Variants in MYO9A observed in about 807,000 individuals in gnomAD.
The protein encoded by MYO9A is myosin IXA, also known as unconventional myosin-IXa.
Under a neutral mutation model 293.3 loss-of-function variants are expected in MYO9A, and 103 were observed. The ratio of observed to expected loss-of-function variants is 0.35; its 90% confidence interval spans 0.30 to 0.41. MYO9A has a LOEUF of 0.41. Ranked by LOEUF, MYO9A falls within the 10% of genes least tolerant of loss-of-function variation. The pLI, the probability that MYO9A is intolerant of heterozygous loss-of-function variation, is 1.00. For missense variants in MYO9A, 2,685 were observed against 3,033.0 expected, an observed-to-expected ratio of 0.89 and a Z score of 2.69; for synonymous variants, 1,001 against 1,035.7, an observed-to-expected ratio of 0.97 and a Z score of 0.64.
intron 15 of MYO9A, among the ~76,000 whole-genome samples, chr15:71,948,982 A>AT (rs1026726630): frequency 3.3e-5 from 5 of 150,926 alleles, no homozygotes; most frequent in Non-Finnish European, 7.4e-5. Context: ...ATTAAACATG[A>AT]TTTTTTGACA....
At chr15:71,981,958 T>C (rs1339398414) in intron 11 of MYO9A, among the ~76,000 whole-genome samples, 2 of 151,458 alleles carry the variant, frequency 1.3e-5, no homozygotes, top group Non-Finnish European at 2.9e-5. Flanking sequence ...TAACGTGTCA[T>C]TAGGTACAAT....
chr15:71,858,639 G>A (rs2055968822), intron 34 of MYO9A: 1 of 147,528 alleles, frequency 6.8e-6, no homozygotes, highest in Non-Finnish European at 1.5e-5. Context: ...GGTCAGGCCT[G>A]GTTAGTACTT....
intron 19 of MYO9A, among the ~76,000 whole-genome samples, chr15:71,915,164 T>C (rs955855834): frequency 3.3e-5 from 5 of 152,128 alleles, no homozygotes; most frequent in Non-Finnish European, 7.4e-5. Flanking sequence ...ATGATTTTTT[T>C]TTCTATAACC....
chr15:71,990,553 A>G (rs2076515346), intron 11 of MYO9A, among the ~76,000 whole-genome samples: 1 of 152,128 alleles, frequency 6.6e-6, no homozygotes, highest in South Asian at 2.1e-4. Flanking sequence ...CAGGAGATCG[A>G]GACCATCCTG....
At chr15:72,056,886 G>T (rs1313988971) in intron 1 of MYO9A, among the ~76,000 whole-genome samples, 1 of 152,110 alleles carries the variant, frequency 6.6e-6, no homozygotes, top group Non-Finnish European at 1.5e-5. Context: ...GAGGCGGGCG[G>T]ATCACCTGAG....
At chr15:71,956,330 A>AAAAAAAAAAAATATATATATATAT (rs10642655) in intron 14 of MYO9A, among the ~76,000 whole-genome samples, 6 of 75,578 alleles carry the variant, frequency 7.9e-5, no homozygotes, top group Non-Finnish European at 1.4e-4. Flanking sequence ...AAAAAAAAAA[A>AAAAAAAAAAAATATATATATATAT]ATATATATAT....
intron 9 of MYO9A, among the ~76,000 whole-genome samples, chr15:71,995,450 T>C (rs1448606603): frequency 1.3e-5 from 2 of 152,110 alleles, no homozygotes; most frequent in African/African-American, 2.4e-5. Context: ...TTCCTCACTC[T>C]AAGCTTTCCA....
rs764060322 is a variant in MYO9A, at chr15:71,848,870, C to T, written c.6812G>A (p.Arg2271Lys). The change falls in exon 39 of 42, where the codon AGG becomes AAG. Residue 2271 changes from arginine to lysine, a missense_variant. By Grantham distance (26) the Arg-to-Lys change is conservative. Coordinates refer to ENST00000356056, the MANE Select transcript of MYO9A (RefSeq NM_006901.4). ...LEFAENKAKT[R>K]LSLIRRSMGK... ...CATTGATCTACGAATCAGTGACAAC[C>T]TGGTCTTTGCCTTATTCTCAGCAAA... The T allele has an allele frequency of 3.1e-6, 5 of 1,609,204 alleles. No individual in the cohort carries two copies. The highest frequency in any genetic ancestry group is 4.2e-6 in the Non-Finnish European group (5 of 1,179,010).
chr15:72,008,278 C>T (rs997906718), intron 7 of MYO9A, among the ~76,000 whole-genome samples: 1 of 152,102 alleles, frequency 6.6e-6, no homozygotes, highest in African/African-American at 2.4e-5. Flanking sequence ...GCCAGGAATG[C>T]TTTTTTCCTA....
chr15:71,920,357 G>C (rs920217993), intron 18 of MYO9A, among the ~76,000 whole-genome samples: 3 of 152,118 alleles, frequency 2.0e-5, no homozygotes, highest in Admixed American at 2.0e-4. Flanking sequence ...TGGTGTGATA[G>C]TATTAAGAGG....
chr15:72,000,493 T>C (rs1369387849), intron 8 of MYO9A, among the ~76,000 whole-genome samples: 1 of 152,204 alleles, frequency 6.6e-6, no homozygotes, highest in Non-Finnish European at 1.5e-5. Context: ...GAATTTCACA[T>C]TATCATTTCA....
chr15:72,110,885 C>G (rs796855859), intron 1 of MYO9A, among the ~76,000 whole-genome samples: 6 of 152,228 alleles, frequency 3.9e-5, no homozygotes, highest in African/African-American at 1.4e-4. Flanking sequence ...TTCGGCCGGG[C>G]ATGGTGGCTC....
At chr15:72,080,942 C>A (rs909262645) in intron 1 of MYO9A, among the ~76,000 whole-genome samples, 4 of 152,098 alleles carry the variant, frequency 2.6e-5, no homozygotes, top group African/African-American at 9.7e-5. Context: ...ATATACACCA[C>A]ATTTTCTTTA....
At chr15:71,927,949 A>G (rs760414251) in intron 18 of MYO9A, among the ~76,000 whole-genome samples, 11 of 130,558 alleles carry the variant, frequency 8.4e-5, no homozygotes, top group Admixed American at 5.0e-4. Flanking sequence ...TTTACTTCTG[A>G]GCTTTTAATA....
intron 1 of MYO9A, among the ~76,000 whole-genome samples, chr15:72,063,769 A>T (rs544152512): frequency 3.3e-5 from 5 of 152,326 alleles, no homozygotes; most frequent in African/African-American, 1.2e-4. Flanking sequence ...CTAAAAACAG[A>T]ACTACTATAT....
At position 71,825,442 on chromosome 15, in the gene MYO9A, TTAATACTGATAGTCTGAG is replaced by T. The variant is rs1567168699; in HGVS notation, c.*1120_*1137del. Reference sequence around the variant, plus strand: ...TAGTCCTTGATTTTTTTCCATCTATTTAATACTGATAGTCTGAGAAAAGGAAGATAAAAGTTAGTTAGT... The same window carrying T: ...TAGTCCTTGATTTTTTTCCATCTATTAAAAGGAAGATAAAAGTTAGTTAGT... On this transcript the variant is annotated 3_prime_UTR_variant, in exon 42 of 42. Transcript: ENST00000356056. 3 of 139,160 alleles carry T rather than the reference TTAATACTGATAGTCTGAG, an allele frequency of 2.2e-5. No homozygotes were observed. Among genetic ancestry groups the T allele is most frequent in the African/African-American group, 7.5e-5 (3 of 39,916 alleles). The allele number at this position is 139,160 out of a possible 1,614,324, so 8.6% of individuals were successfully genotyped here. A position where few individuals can be genotyped will look rare whatever the true frequency, so the allele number is the denominator to read the frequency against.
At chr15:72,060,044 A>G (rs755119137) in intron 1 of MYO9A, among the ~76,000 whole-genome samples, 5 of 152,230 alleles carry the variant, frequency 3.3e-5, no homozygotes, top group Non-Finnish European at 7.3e-5. Flanking sequence ...TTTGAGGCGA[A>G]TTACAAAAGT....
intron 1 of MYO9A, among the ~76,000 whole-genome samples, chr15:72,101,106 G>T (rs1218995026): frequency 8.4e-5 from 12 of 143,144 alleles, no homozygotes; most frequent in Admixed American, 2.7e-4. Context: ...GCCCCGTCCG[G>T]GAGGGAGGTC....
At chr15:71,854,807 G>A (rs926354557) in intron 34 of MYO9A, among the ~76,000 whole-genome samples, 8 of 152,096 alleles carry the variant, frequency 5.3e-5, no homozygotes, top group Admixed American at 1.3e-4. Context: ...AGTGGCAAAG[G>A]GCTACAGCTT....
Sources: gnomAD v4.1 joint callset for allele counts (sites outside exome capture counted in the v4.1 genomes callset) on GRCh38, gnomAD v4.1.1 for gene constraint, MANE v1.5 for transcripts, NCBI Gene and HGNC (gene_info 2026-07-23, HGNC 2026-07-21) for gene names.